UBE2E2: variants seen among roughly 807,000 people sequenced by gnomAD.
The protein encoded by UBE2E2 is ubiquitin conjugating enzyme E2 E2, also known as ubiquitin-conjugating enzyme E2 E2.
Under a neutral mutation model 24.7 loss-of-function variants are expected in UBE2E2, and 6 were observed. The observed-to-expected ratio is 0.24, with a 90% CI of 0.13 to 0.48. UBE2E2 has a LOEUF of 0.48. Among genes scored for constraint, UBE2E2 ranks in the 20% least tolerant of loss-of-function variants. The probability of loss-of-function intolerance (pLI) is 0.99; values close to 1 mark genes in which losing one functional copy is unlikely to be tolerated. For missense variants in UBE2E2, 169 were observed against 245.0 expected (o/e 0.69, Z 2.07); for synonymous variants, 104 against 83.6 (o/e 1.24, Z -1.33).
chr3:23,441,783 G>C (rs1450075982), intron 3 of UBE2E2, among the ~76,000 whole-genome samples: 1 of 152,010 alleles, frequency 6.6e-6, no homozygotes, highest in African/African-American at 2.4e-5. Flanking sequence ...AACACTTTAG[G>C]TGATATTATG....
At chr3:23,230,644 G>T (rs1226516903) in intron 3 of UBE2E2, among the ~76,000 whole-genome samples, 1 of 151,948 alleles carries the variant, frequency 6.6e-6, no homozygotes, top group Admixed American at 6.6e-5. Context: ...AAATTAGCCC[G>T]GCTTGGTGGT....
intron 3 of UBE2E2, among the ~76,000 whole-genome samples, chr3:23,317,320 G>T: frequency 6.6e-6 from 1 of 152,308 alleles, no homozygotes. Flanking sequence ...TTCTTCATGG[G>T]CATCACCTGA....
chr3:23,214,427 A>G (rs1696417864), intron 2 of UBE2E2, among the ~76,000 whole-genome samples: 1 of 151,712 alleles, frequency 6.6e-6, no homozygotes, highest in Non-Finnish European at 1.5e-5. Context: ...CAGTTTCCTG[A>G]ATTTTTTGTA....
chr3:23,560,528 C>A (rs551893164), intron 5 of UBE2E2, among the ~76,000 whole-genome samples: 4 of 151,864 alleles, frequency 2.6e-5, no homozygotes, highest in African/African-American at 7.3e-5. Context: ...AATAAACATA[C>A]GTGTGCACGT....
chr3:23,443,128 T>G (rs1046614021), intron 3 of UBE2E2, among the ~76,000 whole-genome samples: 2 of 152,284 alleles, frequency 1.3e-5, no homozygotes, highest in East Asian at 1.9e-4. Context: ...GTGTTAGGTC[T>G]TCTTCTCTTT....
chr3:23,516,679 C>T (rs747574077), intron 4 of UBE2E2, among the ~76,000 whole-genome samples: 57 of 151,950 alleles, frequency 3.8e-4, no homozygotes, highest in Non-Finnish European at 7.6e-4. Flanking sequence ...TATTCTTAAC[C>T]TTTTTAATAG....
chr3:23,307,248 T>G (rs113225578), intron 3 of UBE2E2, among the ~76,000 whole-genome samples: 3 of 152,178 alleles, frequency 2.0e-5, no homozygotes, highest in African/African-American at 7.2e-5. Flanking sequence ...CTGAGGATAT[T>G]AATTAATAAA....
chr3:23,203,227 G>T, upstream of UBE2E2: 1 of 988,162 alleles, frequency 1.0e-6, no homozygotes, highest in South Asian at 4.5e-5. Context: ...GCCGGAGCTG[G>T]AACGGCCGGG....
intron 3 of UBE2E2, among the ~76,000 whole-genome samples, chr3:23,397,038 T>C (rs1697096128): frequency 6.6e-6 from 1 of 152,290 alleles, no homozygotes; most frequent in South Asian, 2.1e-4. Flanking sequence ...ACTTTTCCAG[T>C]GTATGATTAT....
chr3:23,299,713 C>G (rs569337536), intron 3 of UBE2E2, among the ~76,000 whole-genome samples: 1 of 152,278 alleles, frequency 6.6e-6, no homozygotes, highest in South Asian at 2.1e-4. Context: ...CCTATGTGGT[C>G]AGTTTTGGAG....
chr3:23,512,853 G>A (rs1011302264), intron 4 of UBE2E2, among the ~76,000 whole-genome samples: 2 of 152,120 alleles, frequency 1.3e-5, no homozygotes, highest in Non-Finnish European at 1.5e-5. Context: ...GCCAATGCAC[G>A]AGAATTGCTT....
At chr3:23,230,119 G>C (rs1030635242) in intron 3 of UBE2E2, among the ~76,000 whole-genome samples, 3 of 151,970 alleles carry the variant, frequency 2.0e-5, no homozygotes, top group African/African-American at 7.3e-5. Context: ...ATATTCTAAG[G>C]ACTCTTAAAT....
chr3:23,477,504 A>C (rs2125439151), intron 3 of UBE2E2, among the ~76,000 whole-genome samples: 1 of 152,346 alleles, frequency 6.6e-6, no homozygotes, highest in African/African-American at 2.4e-5. Flanking sequence ...CTAGGATATA[A>C]GTTCCATGAA....
chr3:23,406,383 T>C (rs780867728), intron 3 of UBE2E2, among the ~76,000 whole-genome samples: 4 of 152,238 alleles, frequency 2.6e-5, no homozygotes, highest in Non-Finnish European at 5.9e-5. Flanking sequence ...CTGATATGTT[T>C]AACTCTTTGA....
At chr3:23,336,906 G>A (rs545028921) in intron 3 of UBE2E2, among the ~76,000 whole-genome samples, 208 of 152,236 alleles carry the variant, frequency 1.4e-3, no homozygotes, top group African/African-American at 4.7e-3. Context: ...TTGGGAGACT[G>A]AGGCGGGTGG....
chr3:23,399,484 T>C (rs533621059), intron 3 of UBE2E2, among the ~76,000 whole-genome samples: 2 of 152,156 alleles, frequency 1.3e-5, no homozygotes, highest in Non-Finnish European at 2.9e-5. Flanking sequence ...ATCATGCTAC[T>C]CAAAATGGTG....
intron 3 of UBE2E2, among the ~76,000 whole-genome samples, chr3:23,422,015 T>C (rs955377251): frequency 6.6e-6 from 1 of 152,208 alleles, no homozygotes; most frequent in Non-Finnish European, 1.5e-5. Context: ...ACCAGGAAAT[T>C]AGTTGGTCAG....
At chr3:23,276,372 T>A (rs1698375334) in intron 3 of UBE2E2, among the ~76,000 whole-genome samples, 1 of 152,186 alleles carries the variant, frequency 6.6e-6, no homozygotes, top group South Asian at 2.1e-4. Flanking sequence ...GTGCTGCTCT[T>A]AAGTTAAACA....
chr3:23,340,793 A>G (rs780907471), intron 3 of UBE2E2, among the ~76,000 whole-genome samples: 1 of 152,148 alleles, frequency 6.6e-6, no homozygotes, highest in Non-Finnish European at 1.5e-5. Flanking sequence ...AGTCAGAAAC[A>G]TGTGAAAAGG....
Sources: allele counts gnomAD v4.1 joint callset (sites outside exome capture counted in the v4.1 genomes callset), GRCh38; gene constraint gnomAD v4.1.1; transcripts MANE v1.5; gene names NCBI Gene and HGNC (gene_info 2026-07-23, HGNC 2026-07-21).